FBXO47: variants seen among roughly 807,000 people sequenced by gnomAD.
FBXO47 encodes F-box protein 47.
In FBXO47, 34 loss-of-function variants were observed where a neutral mutation model predicts 53.9. That is an observed-to-expected ratio of 0.63 (90% CI 0.48 to 0.84). The LOEUF (loss-of-function observed/expected upper bound fraction) is 0.84. Among genes scored for constraint, FBXO47 ranks in the 40% least tolerant of loss-of-function variants. FBXO47 has a pLI of 0.00. For missense variants in FBXO47, 485 were observed against 541.3 expected (o/e 0.90, Z 1.03); for synonymous variants, 165 against 181.6 (o/e 0.91, Z 0.73).
chr17:38,944,776 C>T (rs1251623564), intron 7 of FBXO47, among the ~76,000 whole-genome samples, 184 bp downstream of exon 7: 2 of 150,584 alleles, frequency 1.3e-5, no homozygotes, highest in Non-Finnish European at 2.9e-5. Flanking sequence ...GAGGCTGAGG[C>T]AGGAGAATCG....
chr17:38,957,282 A>G, intron 3 of FBXO47, 29 bp from the exon 4 acceptor site: 1 of 1,449,648 alleles, frequency 6.9e-7, no homozygotes, highest in South Asian at 1.1e-5. Context: ...ATAAGAAAAA[A>G]TGACAACAAT....
At chr17:38,946,308 A>C (rs866707950) in intron 6 of FBXO47, among the ~76,000 whole-genome samples, 74 of 49,368 alleles carry the variant, frequency 1.5e-3, no homozygotes, top group African/African-American at 4.5e-3. Context: ...ATATATATAA[A>C]TATATAAATA....
chr17:38,952,542 A>G (rs983785636), intron 5 of FBXO47, among the ~76,000 whole-genome samples: 10 of 151,942 alleles, frequency 6.6e-5, no homozygotes, highest in Non-Finnish European at 1.0e-4. Context: ...TTGAGATTCA[A>G]TCTCACTATG....
At chr17:38,965,745 T>C (rs191725583) in intron 1 of FBXO47, among the ~76,000 whole-genome samples, 7 of 125,676 alleles carry the variant, frequency 5.6e-5, no homozygotes, top group Admixed American at 3.3e-4. Context: ...TAGCCGGGCA[T>C]GGTGGCACGC....
At position 38,943,581 on chromosome 17, in the gene FBXO47, A is replaced by AT. The variant is rs759727619; in HGVS notation, c.940+8dup. 9.9e-6 allele frequency: 15 copies of AT among 1,520,926 alleles called. No homozygotes were observed. In the East Asian group the frequency reaches 1.2e-4, roughly 12 times the overall value. 94.2% of individuals were successfully genotyped at this position (1,520,926 alleles called of 1,614,324 possible). A position where few individuals can be genotyped will look rare whatever the true frequency, so the allele number is the denominator to read the frequency against. Reference sequence around the variant, plus strand: ...TCTATTATTCTATGTTAGTAAATATATTTTTTACCTGATAGTTCATCTACA... The same window carrying AT: ...TCTATTATTCTATGTTAGTAAATATATTTTTTTACCTGATAGTTCATCTACA... On this transcript the variant is annotated intron_variant, in intron 8 of 10. Transcript: ENST00000378079.
chr17:38,944,848 A>ATGCATGTGTGTGTGTGTGTGTGTG (rs150367922), intron 7 of FBXO47, 112 bp downstream of exon 7: 2 of 615,520 alleles, frequency 3.2e-6, no homozygotes, highest in Non-Finnish European at 5.4e-6. Flanking sequence ...GCGTGCATGC[A>ATGCATGTGTGTGTGTGTGTGTGTG]TGTGTGTGTG....
intron 6 of FBXO47, among the ~76,000 whole-genome samples, chr17:38,946,295 AAAATATATAT>A (rs1197282752): frequency 2.6e-5 from 2 of 76,660 alleles, no homozygotes; most frequent in African/African-American, 1.2e-4. Context: ...TAAATATATA[AAAATATATAT>A]AAATATATAA....
intron 1 of FBXO47, among the ~76,000 whole-genome samples, chr17:38,965,007 A>G (rs1906031032): frequency 6.6e-6 from 1 of 151,936 alleles, no homozygotes; most frequent in South Asian, 2.1e-4. Context: ...GTGCTACCAC[A>G]CTCAGCTAAT....
Position 38,944,972 on chromosome 17 carries a change from A to C in FBXO47, c.781T>G (p.Ser261Ala). The change falls in exon 7 of 11, where the codon TCT becomes GCT. Residue 261 changes from serine (S) to alanine (A), a missense_variant. Coordinates refer to ENST00000378079, the MANE Select transcript of FBXO47 (RefSeq NM_001008777.3). ...RLLYIIFGPI[S>A]PQDGQVVWQE... Reference sequence around the variant, plus strand: ...GATGGGTGCTCACCATCTTGAGGAGATATTGGCCCAAAGATGATATACAGT... The same window carrying C: ...GATGGGTGCTCACCATCTTGAGGAGCTATTGGCCCAAAGATGATATACAGT... 6.2e-7 allele frequency: 1 copy of C among 1,613,810 alleles called. No homozygotes were observed. The highest frequency in any genetic ancestry group is 8.5e-7 in the Non-Finnish European group (1 of 1,179,874).
intron 7 of FBXO47, among the ~76,000 whole-genome samples, chr17:38,944,519 G>A (rs983760038): frequency 1.3e-5 from 2 of 151,260 alleles, no homozygotes; most frequent in African/African-American, 4.9e-5. Context: ...TGGCTAACAC[G>A]GTGAAACCCC....
At chr17:38,959,624 TTGTGTGTGTGTGTG>T (rs34354922) in intron 3 of FBXO47, among the ~76,000 whole-genome samples, 3 of 126,202 alleles carry the variant, frequency 2.4e-5, no homozygotes, top group Non-Finnish European at 3.3e-5. Flanking sequence ...CTTCAAAGCA[TTGTGTGTGTGTGTG>T]TGTGTGTGTG....
At chr17:38,955,111 C>T (rs1057433988) in intron 4 of FBXO47, among the ~76,000 whole-genome samples, 178 bp from the exon 5 acceptor site, 9 of 152,048 alleles carry the variant, frequency 5.9e-5, no homozygotes, top group Admixed American at 3.9e-4. Context: ...GTCTCGGCTG[C>T]GCGCGGTGGC....
In FBXO47 at chr17:38,936,823, G is replaced by T. The variant is rs1915591613; in HGVS notation, c.*352C>A. On this transcript the variant is annotated 3_prime_UTR_variant, in exon 11 of 11. Transcript: ENST00000378079. ...CATACACACTATTTAGTGAATTTGG[G>T]TCTAACTATAAAATGGAATTTTCTC... 1 of 169,306 alleles carries T rather than the reference G, an allele frequency of 5.9e-6. No individual in the cohort carries two copies. The highest frequency in any genetic ancestry group is 1.3e-5 in the Non-Finnish European group (1 of 79,956). The allele number at this position is 169,306 out of a possible 1,614,324, so 10.5% of individuals were successfully genotyped here.
rs1389974542 is a variant in FBXO47 at position 38,937,386 on chromosome 17, TC to T, written c.1244-97del. On this transcript the variant is annotated intron_variant, in intron 10 of 10. Transcript: ENST00000378079. ...TTAATTTAATTTTTGAGACACAGTC[TC>T]CCCCTGTTGCTTAGGCTGGAATGCA... The T allele has an allele frequency of 2.4e-5, 10 of 414,508 alleles. No individual in the cohort carries two copies. In the East Asian group the frequency reaches 4.1e-4, roughly 17 times the overall value. The allele number at this position is 414,508 out of a possible 1,614,324, so 25.7% of individuals were successfully genotyped here.
chr17:38,949,290 T>A (rs1422252330), intron 6 of FBXO47, among the ~76,000 whole-genome samples: 1 of 151,876 alleles, frequency 6.6e-6, no homozygotes, highest in Non-Finnish European at 1.5e-5. Context: ...CATAGTGGTA[T>A]GTGCCTGTAG....
At chr17:38,963,778 T>C (rs949989552) in intron 1 of FBXO47, among the ~76,000 whole-genome samples, 10 of 149,460 alleles carry the variant, frequency 6.7e-5, no homozygotes, top group African/African-American at 2.4e-4. Flanking sequence ...TGTTGGTTTT[T>C]GTTGTTGTTG....
chr17:38,945,271 G>T lies in FBXO47; in HGVS notation c.617-135C>A. 5 of 613,508 alleles carry T rather than the reference G, an allele frequency of 8.1e-6. No homozygotes were observed. In the Admixed American group the frequency reaches 9.1e-5, roughly 11 times the overall value. The allele number at this position is 613,508 out of a possible 1,614,324, so 38.0% of individuals were successfully genotyped here. On this transcript the variant is annotated intron_variant, in intron 6 of 10. Coordinates refer to ENST00000378079, the MANE Select transcript of FBXO47 (RefSeq NM_001008777.3). ...GTTTCTAAACAGGAAGTAACCAAGA[G>T]ATTATCTATTCTTAAACTCCCCTAA...
intron 1 of FBXO47, 26 bp from the exon 2 acceptor site, chr17:38,963,077 G>C (rs752178315): frequency 1.5e-6 from 2 of 1,371,362 alleles, no homozygotes; most frequent in South Asian, 2.7e-5. Flanking sequence ...AAGTACAAGA[G>C]ACAAGAAAGA....
At chr17:38,947,214 C>T (rs1904992752) in intron 6 of FBXO47, among the ~76,000 whole-genome samples, 1 of 150,700 alleles carries the variant, frequency 6.6e-6, no homozygotes, top group African/African-American at 2.4e-5. Context: ...ACAGGAGAAT[C>T]ACTTGAACCC....
Sources: allele counts gnomAD v4.1 joint callset (sites outside exome capture counted in the v4.1 genomes callset), GRCh38; gene constraint gnomAD v4.1.1; transcripts MANE v1.5; gene names NCBI Gene and HGNC (gene_info 2026-07-23, HGNC 2026-07-21).